Variants in TAFA5 observed in about 807,000 individuals in gnomAD.
The protein encoded by TAFA5 is chemokine-like protein TAFA-5.
Under a neutral mutation model 15.3 loss-of-function variants are expected in TAFA5, and 6 were observed. The observed-to-expected ratio is 0.39, with a 90% CI of 0.21 to 0.77. The LOEUF is 0.77. Ranked by LOEUF, TAFA5 falls within the 30% of genes least tolerant of loss-of-function variation. The pLI is 0.41. For synonymous variants in TAFA5, 103 were observed against 80.7 expected (o/e 1.28, Z -1.48); for missense variants, 161 against 193.1 (o/e 0.83, Z 0.98).
In TAFA5 at chr22:48,549,902, TGGTCCTG is replaced by T. The variant is rs1284591720; in HGVS notation, c.112+60202_112+60208del. Reference sequence around the variant, plus strand: ...CAGACGCCCTCGGGAATTGGACTTGTGGTCCTGGGTGTTCATTGCCAGCTTGCTCTGC... The same window carrying T: ...CAGACGCCCTCGGGAATTGGACTTGTGGTGTTCATTGCCAGCTTGCTCTGC... On this transcript the variant is annotated intron_variant, in intron 1 of 3. Transcript: ENST00000402357. Among the ~76,000 whole-genome samples the T allele has an allele frequency of 5.3e-5, 8 of 152,248 alleles. No homozygotes were observed. In the East Asian group the frequency reaches 1.5e-3, roughly 29 times the overall value.
intron 2 of TAFA5, among the ~76,000 whole-genome samples, chr22:48,689,309 G>A (rs995207584): frequency 7.2e-5 from 11 of 152,078 alleles, no homozygotes; most frequent in African/African-American, 1.7e-4. Flanking sequence ...GAGATGGGGC[G>A]CCTCTCACCC....
In TAFA5 at chr22:48,582,483, A is replaced by G. The variant is rs373782623; in HGVS notation, c.113-64114A>G. On this transcript the variant is annotated intron_variant, in intron 1 of 3. Transcript: ENST00000402357. ...ACAAAATACACCACACACAAAATAC[A>G]CCACACACCACACACAAAATACACT... is the stretch of plus-strand genomic sequence containing the variant. Among the ~76,000 whole-genome samples, 28 of 150,972 alleles carry G rather than the reference A, an allele frequency of 1.9e-4. No individual in the cohort carries two copies. The East Asian group carries it at 3.7e-3, about 20-fold the overall frequency.
At chr22:48,672,396 T>TA (rs1284579680) in intron 2 of TAFA5, among the ~76,000 whole-genome samples, 1 of 152,248 alleles carries the variant, frequency 6.6e-6, no homozygotes, top group Non-Finnish European at 1.5e-5. Context: ...GTTCTTTTAT[T>TA]GCCCTAAGGA....
chr22:48,738,900 A>G (rs1346468069), intron 3 of TAFA5, among the ~76,000 whole-genome samples: 5 of 152,182 alleles, frequency 3.3e-5, no homozygotes, highest in East Asian at 1.9e-4. Flanking sequence ...CGCTGCCTTC[A>G]TGGCCCAAAT....
intron 1 of TAFA5, among the ~76,000 whole-genome samples, chr22:48,637,564 C>T (rs1443309613): frequency 6.6e-6 from 1 of 152,142 alleles, no homozygotes; most frequent in Non-Finnish European, 1.5e-5. Flanking sequence ...GTGCCTTTAC[C>T]CCTGTGGTCA....
intron 1 of TAFA5, among the ~76,000 whole-genome samples, chr22:48,575,995 C>G (rs551647215): frequency 1.2e-5 from 1 of 86,688 alleles, no homozygotes; most frequent in African/African-American, 5.4e-5. Flanking sequence ...GAGCAGCGGG[C>G]GGTGGGGGCC....
At chr22:48,641,108 G>T (rs1409798126) in intron 1 of TAFA5, among the ~76,000 whole-genome samples, 2 of 150,258 alleles carry the variant, frequency 1.3e-5, no homozygotes, top group Non-Finnish European at 3.0e-5. Flanking sequence ...CTGTTGGTGG[G>T]GGTCTGCCCT....
At chr22:48,608,092 C>T (rs1231967630) in intron 1 of TAFA5, among the ~76,000 whole-genome samples, 1 of 151,612 alleles carries the variant, frequency 6.6e-6, no homozygotes, top group Non-Finnish European at 1.5e-5. Context: ...CTCCCACGGC[C>T]CCAGGCTGCC....
At chr22:48,656,271 G>C (rs1441623696) in intron 2 of TAFA5, among the ~76,000 whole-genome samples, 1 of 151,988 alleles carries the variant, frequency 6.6e-6, no homozygotes, top group Non-Finnish European at 1.5e-5. Context: ...TGTGTGAATT[G>C]ACTTGTAATA....
intron 1 of TAFA5, among the ~76,000 whole-genome samples, chr22:48,614,945 C>A (rs1373006770): frequency 6.6e-6 from 1 of 152,174 alleles, no homozygotes; most frequent in Non-Finnish European, 1.5e-5. Flanking sequence ...GGGCCAGAAG[C>A]CACTGGCTGC....
chr22:48,584,305 CCACA>C (rs746910090), intron 1 of TAFA5, among the ~76,000 whole-genome samples: 2 of 144,892 alleles, frequency 1.4e-5, no homozygotes, highest in Non-Finnish European at 3.0e-5. Flanking sequence ...AGACAGCAGA[CCACA>C]CACACACAAA....
At chr22:48,700,923 A>ATC (rs770033303) in intron 2 of TAFA5, among the ~76,000 whole-genome samples, 4 of 152,144 alleles carry the variant, frequency 2.6e-5, no homozygotes, top group Non-Finnish European at 5.9e-5. Flanking sequence ...CTCCCATGCC[A>ATC]TCTGCCCAGC....
intron 1 of TAFA5, among the ~76,000 whole-genome samples, chr22:48,635,715 C>T (rs913159215): frequency 2.6e-5 from 4 of 152,064 alleles, no homozygotes; most frequent in Admixed American, 1.3e-4. Context: ...TGGGGACCTG[C>T]GAGAGAAGGA....
At chr22:48,731,283 T>C (rs1188297115) in intron 3 of TAFA5, among the ~76,000 whole-genome samples, 1 of 152,220 alleles carries the variant, frequency 6.6e-6, no homozygotes, top group Admixed American at 6.5e-5. Context: ...CTGTCTCCAC[T>C]ACATAAAAGT....
chr22:48,539,343 A>G, intron 1 of TAFA5: 1 of 471,002 alleles, frequency 2.1e-6, no homozygotes, highest in Non-Finnish European at 4.4e-6. Context: ...ATACCCTAAT[A>G]GGACATGGGC....
chr22:48,641,607 G>A (rs1342572737), intron 1 of TAFA5, among the ~76,000 whole-genome samples: 5 of 37,460 alleles, frequency 1.3e-4, no homozygotes, highest in African/African-American at 3.2e-4. Context: ...CACGCCCTCC[G>A]CTCGCACACA....
rs535068094 is a variant in TAFA5, at chr22:48,576,039, ACCCCCCC to A, written c.113-70550_113-70544del. ...GAGGAGGGGGCCGGGGCCGCGCCGG[ACCCCCCC>A]CCCCCCCGCGCCGCCCGGCCGTTGC... On this transcript the variant is annotated intron_variant, in intron 1 of 3. Coordinates refer to ENST00000402357, the MANE Select transcript of TAFA5 (RefSeq NM_001082967.3). Among the ~76,000 whole-genome samples, 4 of 31,434 alleles carry A rather than the reference ACCCCCCC, an allele frequency of 1.3e-4. 1 individual carries two copies. Among genetic ancestry groups the A allele is most frequent in the African/African-American group, 9.4e-4 (4 of 4,252 alleles). The allele number at this position is 31,434 out of a possible 152,430, so 20.6% of individuals were successfully genotyped here.
rs1486040949 is a variant in TAFA5, at chr22:48,625,273, A to G, written c.113-21324A>G. On this transcript the variant is annotated intron_variant, in intron 1 of 3. Coordinates refer to ENST00000402357, the MANE Select transcript of TAFA5 (RefSeq NM_001082967.3). The stretch of plus-strand genomic sequence containing the variant: ...ATGACCCACCAGTCTATTCACAGCC[A>G]TGAATACACCGTGTGTAACCACCAT... 6.6e-5 allele frequency among the ~76,000 whole-genome samples: 10 copies of G among 152,242 alleles called. No homozygotes were observed. The East Asian group carries it at 1.3e-3, about 21-fold the overall frequency.
At chr22:48,627,365 G>T (rs896403070) in intron 1 of TAFA5, among the ~76,000 whole-genome samples, 2 of 152,214 alleles carry the variant, frequency 1.3e-5, no homozygotes, top group East Asian at 3.9e-4. Context: ...TGGGGGTGGC[G>T]GGGGAGGCAG....
Sources: gnomAD v4.1 joint callset for allele counts (sites outside exome capture counted in the v4.1 genomes callset) on GRCh38, gnomAD v4.1.1 for gene constraint, MANE v1.5 for transcripts, NCBI Gene and HGNC (gene_info 2026-07-23, HGNC 2026-07-21) for gene names.